The following CABLES1 variants were observed in gnomAD, a reference collection of about 807,000 sequenced individuals.
The protein encoded by CABLES1 is CDK5 and ABL1 enzyme substrate 1.
In CABLES1, 36 loss-of-function variants were observed where a neutral mutation model predicts 57.8. The observed-to-expected ratio is 0.62, with a 90% CI of 0.48 to 0.82. The LOEUF (loss-of-function observed/expected upper bound fraction) is 0.82. CABLES1 is among the 40% of genes least tolerant of loss of function. CABLES1 has a pLI of 0.00. For missense variants in CABLES1, 767 were observed against 836.6 expected, an observed-to-expected ratio of 0.92 and a Z score of 1.03; for synonymous variants, 374 against 363.0, an observed-to-expected ratio of 1.03 and a Z score of -0.35.
chr18:23,244,104 A>C (rs2047814479), intron 7 of CABLES1, among the ~76,000 whole-genome samples: 1 of 152,142 alleles, frequency 6.6e-6, no homozygotes. Flanking sequence ...CTCATTCTCT[A>C]CTGCCACTGT....
intron 7 of CABLES1, among the ~76,000 whole-genome samples, chr18:23,250,697 C>T (rs971959285): frequency 1.3e-4 from 20 of 152,136 alleles, no homozygotes; most frequent in Admixed American, 1.1e-3. Flanking sequence ...TGTGGTTAGC[C>T]GGGACCAGAA....
intron 6 of CABLES1, 128 bp from the exon 7 acceptor site, chr18:23,237,014 C>T (rs1212560679): frequency 1.9e-5 from 13 of 676,454 alleles, no homozygotes; most frequent in Non-Finnish European, 2.7e-5. Flanking sequence ...AGTGCCGTGA[C>T]GTTGAGCTAA....
chr18:23,150,451 C>T (rs1052136247), intron 1 of CABLES1, among the ~76,000 whole-genome samples: 1 of 151,952 alleles, frequency 6.6e-6, no homozygotes, highest in African/African-American at 2.4e-5. Context: ...CTCCTGACCT[C>T]GTGATCCGCC....
intron 3 of CABLES1, among the ~76,000 whole-genome samples, chr18:23,209,405 A>G (rs964040454): frequency 2.0e-5 from 3 of 152,216 alleles, no homozygotes; most frequent in Non-Finnish European, 4.4e-5. Flanking sequence ...TTAGGGTTCC[A>G]ACATGTCATT....
chr18:23,139,248 A>G (rs1470374266), intron 1 of CABLES1, among the ~76,000 whole-genome samples: 4 of 151,856 alleles, frequency 2.6e-5, no homozygotes, highest in African/African-American at 7.3e-5. Flanking sequence ...CTAAAAATAC[A>G]AAAAATTAGC....
intron 1 of CABLES1, among the ~76,000 whole-genome samples, chr18:23,159,746 A>G (rs2046990120): frequency 6.6e-6 from 1 of 152,244 alleles, no homozygotes. Flanking sequence ...TGTTGCTCCT[A>G]GCAAGATTAA....
intron 7 of CABLES1, among the ~76,000 whole-genome samples, chr18:23,243,433 G>T (rs143146095): frequency 1.3e-5 from 2 of 151,258 alleles, no homozygotes; most frequent in Non-Finnish European, 2.9e-5. Context: ...TGTGCTGTGT[G>T]GGGGAGGGAG....
At chr18:23,173,950 G>A (rs993358175) in intron 1 of CABLES1, among the ~76,000 whole-genome samples, 7 of 152,196 alleles carry the variant, frequency 4.6e-5, no homozygotes, top group African/African-American at 1.7e-4. Context: ...GTAATAGAGT[G>A]AGATTCTGTC....
chr18:23,253,984 G>T, intron 9 of CABLES1, 48 bp downstream of exon 9: 1 of 1,530,322 alleles, frequency 6.5e-7, no homozygotes, highest in South Asian at 1.1e-5. Context: ...GCTCCGGTCC[G>T]GGGTTCCTCT....
chr18:23,237,367 C>A (rs544070219), intron 7 of CABLES1, 122 bp downstream of exon 7: 3 of 729,198 alleles, frequency 4.1e-6, no homozygotes, highest in African/African-American at 1.7e-5. Flanking sequence ...AGGAGCTCCC[C>A]GGTGTGGGTG....
chr18:23,176,672 C>G (rs1240698752), intron 1 of CABLES1, among the ~76,000 whole-genome samples: 1 of 152,158 alleles, frequency 6.6e-6, no homozygotes, highest in Non-Finnish European at 1.5e-5. Context: ...GAAGAGGCAT[C>G]AGTCTTTGTT....
chr18:23,165,853 T>C (rs2047038776), intron 1 of CABLES1, among the ~76,000 whole-genome samples: 1 of 152,098 alleles, frequency 6.6e-6, no homozygotes, highest in Non-Finnish European at 1.5e-5. Context: ...TCCTCCCCCA[T>C]CTATCAGAAA....
At chr18:23,238,353 A>ACATAGTTC (rs1386269121) in intron 7 of CABLES1, among the ~76,000 whole-genome samples, 1 of 152,216 alleles carries the variant, frequency 6.6e-6, no homozygotes, top group East Asian at 1.9e-4. Context: ...GTTCTTTGGC[A>ACATAGTTC]CATAGTTCAG....
intron 1 of CABLES1, among the ~76,000 whole-genome samples, chr18:23,167,215 AT>A (rs1301129722): frequency 2.0e-5 from 3 of 151,868 alleles, no homozygotes; most frequent in African/African-American, 7.2e-5. Context: ...TTTTTATTAA[AT>A]TTAAAAAAAA....
intron 1 of CABLES1, among the ~76,000 whole-genome samples, chr18:23,171,473 C>T (rs1321268362): frequency 1.3e-5 from 2 of 152,222 alleles, no homozygotes; most frequent in East Asian, 3.8e-4. Context: ...ATGGTCTGCA[C>T]CATTCTCATC....
intron 3 of CABLES1, among the ~76,000 whole-genome samples, chr18:23,195,492 C>T (rs2047275581): frequency 6.6e-6 from 1 of 152,208 alleles, no homozygotes; most frequent in African/African-American, 2.4e-5. Context: ...GACTGTAAGT[C>T]GCGAGTAAAG....
chr18:23,151,190 TG>T (rs2046928019), intron 1 of CABLES1, among the ~76,000 whole-genome samples: 1 of 151,996 alleles, frequency 6.6e-6, no homozygotes, highest in Admixed American at 6.5e-5. Context: ...GGCTAATTTT[TG>T]TATTTTTTAG....
At chr18:23,186,439 C>T (rs1472437142) in intron 1 of CABLES1, among the ~76,000 whole-genome samples, 28 of 139,586 alleles carry the variant, frequency 2.0e-4, no homozygotes, top group Middle Eastern at 3.8e-3. Context: ...TTTTTTTTTT[C>T]CCCAAGACGG....
chr18:23,156,929 C>A (rs2046969733), intron 1 of CABLES1, among the ~76,000 whole-genome samples: 1 of 152,114 alleles, frequency 6.6e-6, no homozygotes, highest in Non-Finnish European at 1.5e-5. Flanking sequence ...ACTAAAAATG[C>A]TAAGAAAAAG....
Sources: gnomAD v4.1 joint callset for allele counts (sites outside exome capture counted in the v4.1 genomes callset) on GRCh38, gnomAD v4.1.1 for gene constraint, MANE v1.5 for transcripts, NCBI Gene and HGNC (gene_info 2026-07-23, HGNC 2026-07-21) for gene names.